PTK7: variants seen among roughly 807,000 people sequenced by gnomAD.
PTK7 encodes the protein protein tyrosine kinase 7 (inactive).
PTK7 carries 39 observed loss-of-function variants against 116.6 expected under a neutral mutation model. The ratio of observed to expected loss-of-function variants is 0.33; its 90% CI spans 0.26 to 0.44. The LOEUF is 0.44. Ranked by LOEUF, PTK7 falls within the 20% of genes least tolerant of loss-of-function variation. The pLI, the probability that PTK7 is intolerant of heterozygous loss-of-function variation, is 1.00. For synonymous variants in PTK7, 546 were observed against 563.6 expected (o/e 0.97, Z 0.44); for missense variants, 1,169 against 1,425.6 (o/e 0.82, Z 2.90).
intron 1 of PTK7, among the ~76,000 whole-genome samples, chr6:43,127,286 C>T (rs1453040266): frequency 6.6e-6 from 1 of 152,194 alleles, no homozygotes; most frequent in Non-Finnish European, 1.5e-5. Context: ...ATCAGGGAGT[C>T]CTCTTCTGTG....
At chr6:43,081,562 A>T (rs1766381726) in intron 1 of PTK7, among the ~76,000 whole-genome samples, 1 of 152,068 alleles carries the variant, frequency 6.6e-6, no homozygotes, top group East Asian at 1.9e-4. Context: ...GTGCCACTGC[A>T]CCCAGCTAAT....
rs571946445 is a variant in PTK7 at position 43,139,186 on chromosome 6, G to C, written c.1413G>C (p.Val471=). The C allele has an allele frequency of 6.2e-7, 1 of 1,614,254 alleles. No individual in the cohort carries two copies. Among genetic ancestry groups the C allele is most frequent in the Admixed American group, 1.7e-5 (1 of 60,030 alleles). ...FKNGTLRINS[V]EVYDGTWYRC... is the part of the protein sequence containing the mutation. ...ATGGGACCTTGCGCATCAACAGCGT[G>C]GAGGTGTATGATGGGACATGGTACC... is the stretch of plus-strand genomic sequence containing the variant. Residue 471 remains valine (V), a synonymous_variant, in exon 9 of 20, where the codon GTG becomes GTC. Coordinates refer to ENST00000230419, the MANE Select transcript of PTK7 (RefSeq NM_002821.5). The surrounding 1 kb of genome is among the most constrained non-coding windows in gnomAD (Gnocchi z 4.6).
chr6:43,094,054 A>C (rs895039851), intron 1 of PTK7, among the ~76,000 whole-genome samples: 4 of 152,250 alleles, frequency 2.6e-5, no homozygotes, highest in African/African-American at 9.6e-5. Flanking sequence ...GGTTGTGGAC[A>C]GCAACCATTC....
At chr6:43,126,982 C>T (rs1017129473) in intron 1 of PTK7, among the ~76,000 whole-genome samples, 7 of 152,118 alleles carry the variant, frequency 4.6e-5, no homozygotes, top group South Asian at 2.1e-4. Flanking sequence ...TGTTGGGAGA[C>T]GGACCAACAC....
At chr6:43,146,563 T>C (rs1157917301) in intron 16 of PTK7, 55 bp from the exon 17 acceptor site, 1 of 1,550,664 alleles carries the variant, frequency 6.4e-7, no homozygotes, top group East Asian at 2.2e-5. Flanking sequence ...GGTCTGAGGC[T>C]TTACAGCCAA....
At position 43,141,528 on chromosome 6, in the gene PTK7, T is replaced by G. The variant is rs769210472; in HGVS notation, c.1619-140T>G. ...TAAATAACGGAGGGGCTTCTAACAC[T>G]TGGCTCAGGAGTTTGGACTTTGCCT... is the stretch of plus-strand genomic sequence containing the variant. On this transcript the variant is annotated intron_variant, in intron 10 of 19. Coordinates refer to ENST00000230419, the MANE Select transcript of PTK7 (RefSeq NM_002821.5). The surrounding 1 kb of genome is among the most constrained non-coding windows in gnomAD (Gnocchi z 4.9). 6 of 988,292 alleles carry G rather than the reference T, an allele frequency of 6.1e-6. No individual in the cohort carries two copies. The African/African-American group carries it at 9.7e-5, about 16-fold the overall frequency. The allele number at this position is 988,292 out of a possible 1,614,324, so 61.2% of individuals were successfully genotyped here.
chr6:43,160,640 G>C (rs1771793805), intron 19 of PTK7, 81 bp from the exon 20 acceptor site: 1 of 1,548,196 alleles, frequency 6.5e-7, no homozygotes, highest in African/African-American at 1.4e-5. Flanking sequence ...GTGGCTGCTT[G>C]TATAAACTGC....
intron 17 of PTK7, among the ~76,000 whole-genome samples, chr6:43,156,459 A>G (rs1771439637): frequency 6.6e-6 from 1 of 151,708 alleles, no homozygotes; most frequent in Non-Finnish European, 1.5e-5. Context: ...CAAAAATAAA[A>G]AAGGCTGGGA....
chr6:43,144,853 T>TAA, intron 15 of PTK7: 1 of 427,456 alleles, frequency 2.3e-6, no homozygotes, highest in Non-Finnish European at 4.1e-6. Flanking sequence ...AATTGACTCT[T>TAA]TAAAAAAAAA....
chr6:43,132,280 T>C (rs1769734384), intron 6 of PTK7, 116 bp downstream of exon 6: 1 of 1,503,966 alleles, frequency 6.6e-7, no homozygotes, highest in Non-Finnish European at 9.0e-7. Flanking sequence ...AAGAAAAGGA[T>C]GCTGGGAGTA....
intron 1 of PTK7, among the ~76,000 whole-genome samples, chr6:43,107,435 C>G (rs528552295): frequency 2.0e-4 from 30 of 152,318 alleles, no homozygotes; most frequent in African/African-American, 7.2e-4. Context: ...GTCTCGTTTC[C>G]TTATCTGCAT....
intron 1 of PTK7, among the ~76,000 whole-genome samples, chr6:43,112,999 T>A (rs1182831645): frequency 6.6e-6 from 1 of 152,114 alleles, no homozygotes; most frequent in South Asian, 2.1e-4. Context: ...CAGCTAATTT[T>A]TTTCTTCTTT....
chr6:43,125,861 C>CTGT (rs1769259292), intron 1 of PTK7, among the ~76,000 whole-genome samples: 1 of 152,322 alleles, frequency 6.6e-6, no homozygotes, highest in Non-Finnish European at 1.5e-5. Flanking sequence ...TGAGCCCAGC[C>CTGT]TGTCTCATTC....
chr6:43,121,110 A>G (rs1203268009), intron 1 of PTK7, among the ~76,000 whole-genome samples: 1 of 148,252 alleles, frequency 6.7e-6, no homozygotes, highest in Non-Finnish European at 1.5e-5. Flanking sequence ...CCTGGCCTCA[A>G]GGGATCCTCT....
chr6:43,129,377 A>G lies in PTK7; in HGVS notation c.367+113A>G, dbSNP rs1769517284. The G allele has an allele frequency of 1.1e-5, 14 of 1,313,192 alleles. No homozygotes were observed. The South Asian group carries it at 1.3e-4, about 12-fold the overall frequency. 81.3% of individuals were successfully genotyped at this position (1,313,192 alleles called of 1,614,324 possible). On this transcript the variant is annotated intron_variant, in intron 2 of 19. Coordinates refer to ENST00000230419, the MANE Select transcript of PTK7 (RefSeq NM_002821.5). The surrounding 1 kb of genome is among the most constrained non-coding windows in gnomAD (Gnocchi z 4.5). ...CCATTTCCAGTTAAACGGGCCAGGC[A>G]GAATGCATTTATCATCAGCTTTTTT... is the stretch of plus-strand genomic sequence containing the variant.
At chr6:43,102,122 C>A (rs1203769694) in intron 1 of PTK7, among the ~76,000 whole-genome samples, 2 of 150,632 alleles carry the variant, frequency 1.3e-5, no homozygotes, top group Non-Finnish European at 2.9e-5. Flanking sequence ...TGGTTCCAGC[C>A]CGTTCTTGGG....
chr6:43,135,007 G>A (rs1039184903), intron 7 of PTK7, among the ~76,000 whole-genome samples: 27 of 152,054 alleles, frequency 1.8e-4, no homozygotes, highest in Admixed American at 1.5e-3. Context: ...TGCAGAATTC[G>A]GGGCCCCACT....
chr6:43,087,806 C>T (rs571648665), intron 1 of PTK7, among the ~76,000 whole-genome samples: 80 of 152,336 alleles, frequency 5.3e-4, no homozygotes, highest in Non-Finnish European at 8.8e-4. Context: ...GCACTTTAAT[C>T]TAAGGGCTGC....
chr6:43,158,781 C>T (rs1771664650), intron 17 of PTK7, 36 bp from the exon 18 acceptor site: 7 of 1,603,896 alleles, frequency 4.4e-6, no homozygotes, highest in East Asian at 2.2e-5. Context: ...GATGCCTATT[C>T]CTGGGCTGCT....
Sources: allele counts gnomAD v4.1 joint callset (sites outside exome capture counted in the v4.1 genomes callset), GRCh38; gene constraint gnomAD v4.1.1; non-coding constraint Gnocchi (gnomAD v3.1); transcripts MANE v1.5; gene names NCBI Gene and HGNC (gene_info 2026-07-23, HGNC 2026-07-21).